The following ZNF841 variants were observed in gnomAD, a reference collection of about 807,000 sequenced individuals.
ZNF841 encodes the protein zinc finger protein 841, also known as TCONS_00006091.
In ZNF841, 11 loss-of-function variants were observed where a neutral mutation model predicts 13.0. That is an observed-to-expected ratio of 0.85 (90% CI 0.53 to 1.40). The LOEUF (loss-of-function observed/expected upper bound fraction) is 1.40, where lower values mean the gene tolerates loss of function less well. Among genes scored for constraint, ZNF841 ranks in the 40% most tolerant of loss-of-function variants. The pLI is 0.00. For synonymous variants in ZNF841, 369 were observed against 381.6 expected (o/e 0.97, Z 0.38); for missense variants, 1,068 against 1,139.5 (o/e 0.94, Z 0.90).
At position 52,077,010 on chromosome 19, in the gene ZNF841, T is replaced by C. The variant is rs947148694; in HGVS notation, c.90A>G (p.Lys30=). 4 of 1,613,354 alleles carry C rather than the reference T, an allele frequency of 2.5e-6. No individual in the cohort carries two copies. The African/African-American group carries it at 4.0e-5, about 16-fold the overall frequency. ...CCAACATCACGTCCCTGTACAAAGC[T>C]TTCTGAACAGGGTCCAGGCATTTCC... ...EEWKCLDPVQ[K]ALYRDVMLEN... The change falls in exon 5 of 7, where the codon AAA becomes AAG. Residue 30 remains lysine, a synonymous_variant. Coordinates refer to ENST00000594440, the MANE Select transcript of ZNF841 (RefSeq NM_001136499.2).
intron 6 of ZNF841, among the ~76,000 whole-genome samples, chr19:52,072,509 C>G (rs1347157207): frequency 6.6e-6 from 1 of 152,258 alleles, no homozygotes; most frequent in East Asian, 1.9e-4. Flanking sequence ...TAGAGATCAA[C>G]AGCAGAAGAA....
At chr19:52,081,281 G>GA (rs1223860711) in intron 4 of ZNF841, among the ~76,000 whole-genome samples, 3 of 152,054 alleles carry the variant, frequency 2.0e-5, no homozygotes, top group African/African-American at 7.2e-5. Flanking sequence ...ATAATGACAA[G>GA]AAAAAAAGGA....
At position 52,090,654 on chromosome 19, in the gene ZNF841, G is replaced by GAAAGAAA. The variant is rs1568549587; in HGVS notation, c.-143-1653_-143-1652insTTTCTTT. On this transcript the variant is annotated intron_variant, in intron 2 of 6. Transcript: ENST00000594440. ...AAGAAGGAAGGAAGGAAGGAAGGAA[G>GAAAGAAA]GAAAGAAAGAAAGAAAGAAAGAAAG... Among the ~76,000 whole-genome samples the GAAAGAAA allele has an allele frequency of 6.1e-3, 513 of 84,596 alleles. 4 individuals carry two copies. Among genetic ancestry groups the GAAAGAAA allele is most frequent in the Non-Finnish European group, 6.2e-3 (287 of 46,078 alleles). The allele number at this position is 84,596 out of a possible 152,430, so 55.5% of individuals were successfully genotyped here. A position where few individuals can be genotyped will look rare whatever the true frequency, so the allele number is the denominator to read the frequency against.
intron 2 of ZNF841, among the ~76,000 whole-genome samples, chr19:52,092,067 G>A (rs1402823648): frequency 4.0e-5 from 6 of 151,718 alleles, no homozygotes; most frequent in African/African-American, 9.7e-5. Flanking sequence ...ATTTGAACTC[G>A]GAAGGCACAC....
Position 52,067,131 on chromosome 19 carries a change from CT to C in ZNF841, c.750del (p.Asp251ThrfsTer12), listed in dbSNP as rs1453290398. 1 of 1,564,692 alleles carries C rather than the reference CT, an allele frequency of 6.4e-7. No homozygotes were observed. Among genetic ancestry groups the C allele is most frequent in the Non-Finnish European group, 8.7e-7 (1 of 1,153,214 alleles). On this transcript the variant is annotated frameshift_variant, in exon 7 of 7. Transcript: ENST00000594440. LOFTEE classifies it low-confidence loss of function (END_TRUNC). ...TTTTCCCTAATATGTGTTTTCTCGT[CT>C]TGTGTAGGTAACGAAAGTTGCAAAA... is the stretch of plus-strand genomic sequence containing the variant. Reference protein sequence around the residue: ...NDFLQLSLPTQDEKTHIREKP... With the variant: ...NDFLQLSLPTXDEKTHIREKP...
chr19:52,066,519 T>C lies in ZNF841; in HGVS notation c.1363A>G (p.Thr455Ala), dbSNP rs1461395343. Residue 455 changes from threonine to alanine, a missense_variant, in exon 7 of 7, where the codon ACA becomes GCA. Physicochemically the swap from Thr to Ala is moderately conservative, Grantham distance 58 (BLOSUM62 0). Coordinates refer to ENST00000594440, the MANE Select transcript of ZNF841 (RefSeq NM_001136499.2). The part of the protein sequence containing the change: ...VRHQIIHTGE[T>A]PYKCNECGKV... ...CCACATTCATTACATTTGTAAGGTG[T>C]CTCTCCAGTATGAATTATCTGGTGC... The C allele has an allele frequency of 1.2e-6, 2 of 1,613,964 alleles. No individual in the cohort carries two copies. The highest frequency in any genetic ancestry group is 2.2e-5 in the South Asian group (2 of 91,060).
At position 52,092,030 on chromosome 19, in the gene ZNF841, T is replaced by C. The variant is rs542192809; in HGVS notation, c.-144+1816A>G. Among the ~76,000 whole-genome samples, 12 of 151,786 alleles carry C rather than the reference T, an allele frequency of 7.9e-5. No homozygotes were observed. In the South Asian group the frequency reaches 1.7e-3, roughly 21 times the overall value. ...TGGTGGTGCAACCTGTAATACCAGC[T>C]ACTACGGGGGCTGAGGCAGGAGAAT... On this transcript the variant is annotated intron_variant, in intron 2 of 6. Transcript: ENST00000594440.
chr19:52,090,630 A>AAG (rs2088440011), intron 2 of ZNF841, among the ~76,000 whole-genome samples: 2 of 90,562 alleles, frequency 2.2e-5, no homozygotes, highest in African/African-American at 4.6e-5. Flanking sequence ...AAAGAAAGAA[A>AAG]GAAGGAAGGA....
In ZNF841 at chr19:52,066,543, GCCT is replaced by G; in HGVS notation, c.1336_1338del (p.Arg446del). On this transcript the variant is annotated inframe_deletion, in exon 7 of 7. Transcript: ENST00000594440. ...GTCTCTCCAGTATGAATTATCTGGTGCCTTACAAGTTGTGAATTCTGATAAAAG... is the reference window on the plus strand; with the variant it reads ...GTCTCTCCAGTATGAATTATCTGGTGTACAAGTTGTGAATTCTGATAAAAG... 1 of 1,613,756 alleles carries G rather than the reference GCCT, an allele frequency of 6.2e-7. No homozygotes were observed.
chr19:52,081,539 A>G (rs2123320631), intron 4 of ZNF841, among the ~76,000 whole-genome samples: 1 of 152,368 alleles, frequency 6.6e-6, no homozygotes, highest in African/African-American at 2.4e-5. Flanking sequence ...CAGAAATAGA[A>G]GCTATAAAGA....
At chr19:52,082,806 C>A (rs1373611097) in intron 4 of ZNF841, among the ~76,000 whole-genome samples, 1 of 152,208 alleles carries the variant, frequency 6.6e-6, no homozygotes. Flanking sequence ...TCAGGCTGGG[C>A]ACGGTGGCTG....
At chr19:52,085,722 A>G (rs1450204832) in intron 3 of ZNF841, among the ~76,000 whole-genome samples, 1 of 152,160 alleles carries the variant, frequency 6.6e-6, no homozygotes, top group East Asian at 1.9e-4. Context: ...AACAGGAAAG[A>G]GGCCTGTGTG....
At chr19:52,078,292 A>G (rs1346531836) in intron 4 of ZNF841, among the ~76,000 whole-genome samples, 2 of 152,102 alleles carry the variant, frequency 1.3e-5, no homozygotes, top group Non-Finnish European at 2.9e-5. Context: ...TCTCAAAAAC[A>G]AAGAAAAAAA....
intron 2 of ZNF841, among the ~76,000 whole-genome samples, chr19:52,092,699 T>C (rs555410812): frequency 2.0e-5 from 3 of 152,192 alleles, no homozygotes; most frequent in Admixed American, 1.3e-4. Flanking sequence ...AGGCCAGGCA[T>C]AGCAGTTCAT....
At position 52,065,772 on chromosome 19, in the gene ZNF841, T is replaced by G; in HGVS notation, c.2110A>C (p.Thr704Pro). Residue 704 changes from threonine (T) to proline (P), a missense_variant, in exon 7 of 7, where the codon ACT (threonine) becomes CCT (proline). Physicochemically the swap from Thr to Pro is conservative, Grantham distance 38 (BLOSUM62 -1). Coordinates refer to ENST00000594440, the MANE Select transcript of ZNF841 (RefSeq NM_001136499.2). Reference protein sequence around the residue: ...SKLARYHRNPTGEKPHKCSEC... With the variant: ...SKLARYHRNPPGEKPHKCSEC... Reference sequence around the variant, plus strand: ...CTACATTTGTGTGGTTTCTCCCCAGTAGGATTTCTGTGATATCTTGCAAGT... The same window carrying G: ...CTACATTTGTGTGGTTTCTCCCCAGGAGGATTTCTGTGATATCTTGCAAGT... 1 of 1,610,062 alleles carries G rather than the reference T, an allele frequency of 6.2e-7. No homozygotes were observed. Among genetic ancestry groups the G allele is most frequent in the Non-Finnish European group, 8.5e-7 (1 of 1,177,724 alleles).
chr19:52,090,646 G>GGAAA (rs1354917026), intron 2 of ZNF841, among the ~76,000 whole-genome samples: 1 of 81,770 alleles, frequency 1.2e-5, no homozygotes, highest in Admixed American at 1.3e-4. Flanking sequence ...AAGGAAGGAA[G>GGAAA]GAAGGAAGGA....
intron 4 of ZNF841, among the ~76,000 whole-genome samples, chr19:52,077,849 G>A (rs2087955374): frequency 6.6e-6 from 1 of 152,180 alleles, no homozygotes; most frequent in South Asian, 2.1e-4. Context: ...CCAAGATCAA[G>A]GTGTCAGCAG....
chr19:52,077,120 G>A, intron 4 of ZNF841, 36 bp from the exon 5 acceptor site: 1 of 1,578,850 alleles, frequency 6.3e-7, no homozygotes. Flanking sequence ...TGAGCAGTGG[G>A]TGAGCTCTTA....
downstream of ZNF841, among the ~76,000 whole-genome samples, chr19:52,060,961 C>CT (rs1358139489): frequency 6.6e-6 from 1 of 152,150 alleles, no homozygotes; most frequent in East Asian, 1.9e-4. Flanking sequence ...TTATTATTGC[C>CT]TAAGTTGAGA....
Sources: gnomAD v4.1 joint callset for allele counts (sites outside exome capture counted in the v4.1 genomes callset) on GRCh38, gnomAD v4.1.1 for gene constraint, MANE v1.5 for transcripts, NCBI Gene and HGNC (gene_info 2026-07-23, HGNC 2026-07-21) for gene names.